PTK2: variants seen among roughly 807,000 people sequenced by gnomAD.
PTK2 encodes the protein focal adhesion kinase 1.
In PTK2, 45 loss-of-function variants were observed where a neutral mutation model predicts 150.1. The observed-to-expected ratio is 0.30, with a 90% CI of 0.24 to 0.38. The LOEUF (loss-of-function observed/expected upper bound fraction) is 0.38. Ranked by LOEUF, PTK2 falls within the 10% of genes least tolerant of loss-of-function variation. The pLI is 1.00. For missense variants in PTK2, 919 were observed against 1,307.3 expected (o/e 0.70, Z 4.58); for synonymous variants, 432 against 449.2 (o/e 0.96, Z 0.48).
At chr8:140,917,487 G>C (rs1234772118) in intron 2 of PTK2, among the ~76,000 whole-genome samples, 1 of 151,908 alleles carries the variant, frequency 6.6e-6, no homozygotes, top group Non-Finnish European at 1.5e-5. Context: ...TTAAACCCTG[G>C]ATAAATACTT....
intron 31 of PTK2, among the ~76,000 whole-genome samples, chr8:140,664,244 A>T (rs936330779): frequency 4.6e-5 from 7 of 152,204 alleles, no homozygotes; most frequent in Non-Finnish European, 7.3e-5. Flanking sequence ...AGCCTCCCAA[A>T]GTGCTCAGAT....
At chr8:140,867,272 G>A (rs1012928020) in intron 4 of PTK2, among the ~76,000 whole-genome samples, 1 of 152,158 alleles carries the variant, frequency 6.6e-6, no homozygotes, top group African/African-American at 2.4e-5. Flanking sequence ...GGGAGACTAG[G>A]AGGAGACAGC....
intron 25 of PTK2, 70 bp downstream of exon 28, chr8:140,702,500 G>A (rs59194387): frequency 0.01 from 15,673 of 1,554,708 alleles, 545 homozygotes; most frequent in African/African-American, 0.099. Context: ...GATTACAAGT[G>A]TAAGCCACCA....
chr8:140,663,551 G>C (rs1375969996), intron 31 of PTK2, among the ~76,000 whole-genome samples: 1 of 152,178 alleles, frequency 6.6e-6, no homozygotes, highest in Non-Finnish European at 1.5e-5. Flanking sequence ...TAGGCTCAAA[G>C]ACACTAAAAC....
chr8:140,846,434 C>T (rs773812717), intron 6 of PTK2, 112 bp from the exon 7 acceptor site: 5 of 1,216,010 alleles, frequency 4.1e-6, no homozygotes, highest in Non-Finnish European at 6.0e-6. Flanking sequence ...TTAACAGCAA[C>T]AAATGCAATT....
At chr8:140,700,900 T>C (rs2100029887) in exon 26 of PTK2, 1 of 1,613,750 alleles carries the variant, frequency 6.2e-7, no homozygotes, top group African/African-American at 1.3e-5. Flanking sequence ...CCAGAAATCT[T>C]TCCTCTTTTT....
At chr8:140,818,773 A>C in intron 9 of PTK2, 107 bp downstream of exon 9, 4 of 1,222,406 alleles carry the variant, frequency 3.3e-6, no homozygotes, top group Non-Finnish European at 3.4e-6. Context: ...TTTATTGAAA[A>C]AAATGGGACA....
At chr8:140,663,747 C>T (rs747409734) in intron 31 of PTK2, among the ~76,000 whole-genome samples, 1 of 152,038 alleles carries the variant, frequency 6.6e-6, no homozygotes, top group Non-Finnish European at 1.5e-5. Flanking sequence ...GATCCTAGCT[C>T]ACTGTAGCCT....
intron 23 of PTK2, among the ~76,000 whole-genome samples, chr8:140,714,719 C>A (rs932362651): frequency 7.0e-6 from 1 of 143,138 alleles, no homozygotes; most frequent in African/African-American, 2.5e-5. Context: ...ATTGCTTGAA[C>A]CCAGGAGGCA....
intron 22 of PTK2, among the ~76,000 whole-genome samples, chr8:140,734,485 C>G (rs2100051400): frequency 6.6e-6 from 1 of 152,158 alleles, no homozygotes; most frequent in African/African-American, 2.4e-5. Flanking sequence ...CCGTCAAGAG[C>G]TCTGAGTGTA....
intron 2 of PTK2, among the ~76,000 whole-genome samples, chr8:140,905,483 T>C (rs949392832): frequency 2.0e-5 from 3 of 152,172 alleles, no homozygotes; most frequent in Admixed American, 2.0e-4. Context: ...CTAACTATCT[T>C]AAATATATAT....
At chr8:140,952,536 AG>A (rs2100179860) in intron 1 of PTK2, among the ~76,000 whole-genome samples, 2 of 152,242 alleles carry the variant, frequency 1.3e-5, no homozygotes, top group Non-Finnish European at 2.9e-5. Context: ...AAGAGAACAA[AG>A]AAAGATGTGA....
intron 4 of PTK2, among the ~76,000 whole-genome samples, chr8:140,878,831 A>G (rs1282427373): frequency 6.8e-6 from 1 of 146,760 alleles, no homozygotes; most frequent in African/African-American, 2.5e-5. Flanking sequence ...TAACATCTTG[A>G]GTTGCTTAGT....
chr8:140,879,697 A>C (rs1210384382), intron 3 of PTK2, 60 bp from the exon 4 acceptor site: 76 of 1,243,498 alleles, frequency 6.1e-5, no homozygotes, highest in Non-Finnish European at 7.2e-5. Flanking sequence ...AAAAAAAAAA[A>C]AAAACCAAAA....
At chr8:140,911,913 C>A (rs2100163322) in intron 2 of PTK2, among the ~76,000 whole-genome samples, 1 of 152,062 alleles carries the variant, frequency 6.6e-6, no homozygotes, top group Non-Finnish European at 1.5e-5. Context: ...ATAATCTGCA[C>A]AAAGTATTAT....
chr8:140,914,568 T>A (rs1326779661), intron 2 of PTK2, among the ~76,000 whole-genome samples: 1 of 151,946 alleles, frequency 6.6e-6, no homozygotes, highest in Non-Finnish European at 1.5e-5. Context: ...TTTTTGCTTC[T>A]CTCCTTCCTC....
intron 16 of PTK2, among the ~76,000 whole-genome samples, chr8:140,760,657 A>G (rs1162677199): frequency 3.3e-5 from 5 of 152,218 alleles, no homozygotes; most frequent in African/African-American, 4.8e-5. Flanking sequence ...GACAGTGGTG[A>G]TAGCTGCACA....
chr8:140,852,317 C>T (rs538809368), intron 5 of PTK2, among the ~76,000 whole-genome samples: 2 of 152,272 alleles, frequency 1.3e-5, no homozygotes, highest in African/African-American at 4.8e-5. Context: ...AGGGATGGGA[C>T]AGCATGTGAC....
intron 4 of PTK2, among the ~76,000 whole-genome samples, chr8:140,866,032 G>A (rs1389490396): frequency 1.3e-5 from 2 of 152,086 alleles, no homozygotes; most frequent in Non-Finnish European, 2.9e-5. Flanking sequence ...CAACAAATCC[G>A]CCTGCCTTGG....
Sources: allele counts gnomAD v4.1 joint callset (sites outside exome capture counted in the v4.1 genomes callset), GRCh38; gene constraint gnomAD v4.1.1; transcripts MANE v1.5; gene names NCBI Gene and HGNC (gene_info 2026-07-23, HGNC 2026-07-21).